Variants in CNTNAP2 observed in about 807,000 individuals in gnomAD.
CNTNAP2 encodes the protein contactin associated protein 2.
In CNTNAP2, 98 loss-of-function variants were observed where a neutral mutation model predicts 155.2. The ratio of observed to expected loss-of-function variants is 0.63; its 90% confidence interval spans 0.54 to 0.75. The LOEUF is 0.75. CNTNAP2 is among the 30% of genes least tolerant of loss of function. The probability of loss-of-function intolerance (pLI) is 0.00; values close to 1 mark genes in which losing one functional copy is unlikely to be tolerated. For synonymous variants in CNTNAP2, 651 were observed against 631.2 expected, an observed-to-expected ratio of 1.03 and a Z score of -0.47; for missense variants, 1,727 against 1,688.1, an observed-to-expected ratio of 1.02 and a Z score of -0.40.
chr7:148,211,078 A>T (rs1367653280), intron 18 of CNTNAP2, among the ~76,000 whole-genome samples: 4 of 152,236 alleles, frequency 2.6e-5, no homozygotes, highest in Non-Finnish European at 5.9e-5. Flanking sequence ...CGGGAGCAGA[A>T]CTCCATAAAA....
chr7:147,345,130 G>A (rs1795832506), intron 9 of CNTNAP2, among the ~76,000 whole-genome samples: 1 of 151,990 alleles, frequency 6.6e-6, no homozygotes, highest in Admixed American at 6.6e-5. Flanking sequence ...AAATTTTCCA[G>A]TGGCAGATAT....
intron 2 of CNTNAP2, among the ~76,000 whole-genome samples, chr7:146,812,445 AATAT>A (rs368632208): frequency 3.5e-5 from 5 of 144,570 alleles, no homozygotes; most frequent in Non-Finnish European, 7.5e-5. Flanking sequence ...ATATATAAAA[AATAT>A]ATATATATAT....
At chr7:147,093,607 A>G (rs1800461266) in intron 4 of CNTNAP2, among the ~76,000 whole-genome samples, 1 of 152,184 alleles carries the variant, frequency 6.6e-6, no homozygotes, top group Admixed American at 6.5e-5. Flanking sequence ...AAACACTCAT[A>G]CCGTAGCGTT....
intron 1 of CNTNAP2, among the ~76,000 whole-genome samples, chr7:146,584,320 C>T (rs17587202): frequency 0.22 from 33,904 of 152,024 alleles, 4,788 homozygotes; most frequent in Non-Finnish European, 0.31. Context: ...ATCATTGCAC[C>T]GAAAGAATTC....
intron 4 of CNTNAP2, among the ~76,000 whole-genome samples, chr7:147,107,651 A>G (rs778390729): frequency 2.0e-5 from 3 of 152,078 alleles, no homozygotes; most frequent in African/African-American, 4.8e-5. Flanking sequence ...ATTGTGGTGA[A>G]ATATAAAAAC....
intron 14 of CNTNAP2, among the ~76,000 whole-genome samples, chr7:147,968,947 G>T (rs1211367614): frequency 2.0e-5 from 3 of 152,154 alleles, no homozygotes; most frequent in African/African-American, 4.8e-5. Flanking sequence ...AGGCAGAAAA[G>T]GTCTGAAGAA....
At chr7:147,741,938 T>C (rs1796962735) in intron 13 of CNTNAP2, among the ~76,000 whole-genome samples, 1 of 152,192 alleles carries the variant, frequency 6.6e-6, no homozygotes, top group African/African-American at 2.4e-5. Flanking sequence ...AGATATTTAT[T>C]GGACTTACAA....
chr7:147,879,530 G>A (rs1197944780), intron 13 of CNTNAP2, among the ~76,000 whole-genome samples: 1 of 152,026 alleles, frequency 6.6e-6, no homozygotes, highest in African/African-American at 2.4e-5. Context: ...GCACAGTCCT[G>A]CAATAAAAAT....
chr7:148,363,535 G>A (rs2116622229), intron 21 of CNTNAP2, among the ~76,000 whole-genome samples: 1 of 152,352 alleles, frequency 6.6e-6, no homozygotes. Context: ...TTACTGGGAT[G>A]TAGCCCCTTC....
intron 1 of CNTNAP2, among the ~76,000 whole-genome samples, chr7:146,765,915 G>T (rs191597893): frequency 9.8e-4 from 149 of 152,228 alleles, no homozygotes; most frequent in African/African-American, 3.4e-3. Context: ...GGTGTGCTTG[G>T]TGTGTATGAG....
At chr7:146,935,281 G>A (rs1796889031) in intron 3 of CNTNAP2, among the ~76,000 whole-genome samples, 2 of 152,146 alleles carry the variant, frequency 1.3e-5, no homozygotes, top group South Asian at 4.1e-4. Flanking sequence ...ATGAAAAGAG[G>A]TCTTCTGTGT....
At chr7:147,120,663 G>C (rs932306447) in intron 5 of CNTNAP2, among the ~76,000 whole-genome samples, 3 of 148,166 alleles carry the variant, frequency 2.0e-5, no homozygotes, top group Admixed American at 6.8e-5. Flanking sequence ...TTAAGTTTTA[G>C]GGTACATGTG....
intron 8 of CNTNAP2, among the ~76,000 whole-genome samples, chr7:147,235,388 A>T (rs921418387): frequency 8.7e-6 from 1 of 115,234 alleles, no homozygotes; most frequent in African/African-American, 3.4e-5. Context: ...GTGTATTTAC[A>T]TATACACATA....
intron 2 of CNTNAP2, among the ~76,000 whole-genome samples, chr7:146,775,603 A>G (rs971221516): frequency 2.6e-5 from 4 of 151,228 alleles, no homozygotes; most frequent in Admixed American, 2.6e-4. Flanking sequence ...AGGAAGGAAG[A>G]AAGGAAGGAA....
intron 3 of CNTNAP2, among the ~76,000 whole-genome samples, chr7:147,042,986 C>G (rs1349345834): frequency 1.3e-5 from 2 of 152,052 alleles, no homozygotes; most frequent in Non-Finnish European, 2.9e-5. Context: ...TGAAACTGCT[C>G]ATGTTTAAAA....
chr7:148,052,681 A>G (rs1448683140), intron 15 of CNTNAP2, among the ~76,000 whole-genome samples: 1 of 152,236 alleles, frequency 6.6e-6, no homozygotes, highest in Non-Finnish European at 1.5e-5. Flanking sequence ...CAAATCAATG[A>G]TATCTGTCAC....
rs1406878365 is a variant in CNTNAP2, at chr7:147,639,157, T to A, written c.1949T>A (p.Val650Glu). Residue 650 changes from valine (V) to glutamate (E), a missense_variant, in exon 13 of 24, where the codon GTG becomes GAG. Transcript: ENST00000361727. Reference sequence around the variant, plus strand: ...CATGACTTGCAGATGCAGACGCCTGTGGTCGGCTACAACCCAGAAAAATAC... The same window carrying A: ...CATGACTTGCAGATGCAGACGCCTGAGGTCGGCTACAACCCAGAAAAATAC... ...VSHDLQMQTP[V>E]VGYNPEKYSV... is the part of the protein sequence containing the mutation. 6.2e-7 allele frequency: 1 copy of A among 1,614,038 alleles called. No individual in the cohort carries two copies. The highest frequency in any genetic ancestry group is 8.5e-7 in the Non-Finnish European group (1 of 1,180,012).
At chr7:147,368,019 C>A (rs551814023) in intron 9 of CNTNAP2, among the ~76,000 whole-genome samples, 3 of 99,480 alleles carry the variant, frequency 3.0e-5, no homozygotes, top group East Asian at 2.5e-4. Context: ...TCTCTCCCCC[C>A]CCTCCCCCTC....
At chr7:147,792,673 A>G (rs1797838384) in intron 13 of CNTNAP2, among the ~76,000 whole-genome samples, 1 of 152,120 alleles carries the variant, frequency 6.6e-6, no homozygotes, top group Non-Finnish European at 1.5e-5. Context: ...TTCATCTACA[A>G]GTATTTCTGT....
Sources: gnomAD v4.1 joint callset for allele counts (sites outside exome capture counted in the v4.1 genomes callset) on GRCh38, gnomAD v4.1.1 for gene constraint, MANE v1.5 for transcripts, NCBI Gene and HGNC (gene_info 2026-07-23, HGNC 2026-07-21) for gene names.